The following FLCN variants were observed in gnomAD, a reference collection of about 807,000 sequenced individuals.
FLCN encodes the protein BHD skin lesion fibrofolliculoma protein.
FLCN carries 22 observed loss-of-function variants against 62.5 expected under a neutral mutation model. That is an observed-to-expected ratio of 0.35 (90% confidence interval 0.25 to 0.50). The LOEUF (loss-of-function observed/expected upper bound fraction) is 0.50, where lower values mean the gene tolerates loss of function less well. FLCN is among the 20% of genes least tolerant of loss of function. The pLI, the probability that FLCN is intolerant of heterozygous loss-of-function variation, is 0.97. For missense variants in FLCN, 657 were observed against 778.0 expected (o/e 0.84, Z 1.85); for synonymous variants, 319 against 310.0 (o/e 1.03, Z -0.30).
chr17:17,215,486 G>C (rs1358721885), intron 11 of FLCN, among the ~76,000 whole-genome samples, 170 bp from the exon 12 acceptor site: 1 of 152,196 alleles, frequency 6.6e-6, no homozygotes, highest in Non-Finnish European at 1.5e-5. Context: ...CAGGTTATTC[G>C]TGAATAGTTA....
At position 17,216,100 on chromosome 17, in the gene FLCN, C is replaced by T. The variant is rs1037058656; in HGVS notation, c.1300+280G>A. Among the ~76,000 whole-genome samples, 3 of 152,156 alleles carry T rather than the reference C, an allele frequency of 2.0e-5. No homozygotes were observed. Among genetic ancestry groups the T allele is most frequent in the African/African-American group, 7.2e-5 (3 of 41,436 alleles). On this transcript the variant is annotated intron_variant, in intron 11 of 13. Coordinates refer to ENST00000285071, the MANE Select transcript of FLCN (RefSeq NM_144997.7). This position sits in a 1 kb window ranked among gnomAD's most constrained non-coding sequence, Gnocchi z 4.0. ...TCTCATAGGCACCCAATCACCAGGA[C>T]GACCAGGATCCTCCGGCCAGGGACA...
rs1207311795 is a variant in FLCN, at chr17:17,224,124, C to A, written c.416G>T (p.Gly139Val). The change falls in exon 6 of 14, where the codon GGC (glycine) becomes GTC (valine). Residue 139 changes from glycine to valine, a missense_variant. Physicochemically the swap from Gly to Val is moderately radical, Grantham distance 109. Transcript: ENST00000285071. Reference protein sequence around the residue: ...LSCEVCPGREGPIFFGDEQHG... With the variant: ...LSCEVCPGREVPIFFGDEQHG... ...CTGCTCATCTCCGAAGAAGATGGGGCCTTCACGGCCAGGGCAGACCTGGAG... is the reference window on the plus strand; with the variant it reads ...CTGCTCATCTCCGAAGAAGATGGGGACTTCACGGCCAGGGCAGACCTGGAG... 6.3e-7 allele frequency: 1 copy of A among 1,596,452 alleles called. No homozygotes were observed. The highest frequency in any genetic ancestry group is 1.8e-5 in the Admixed American group (1 of 56,696).
intron 4 of FLCN, among the ~76,000 whole-genome samples, 192 bp downstream of exon 4, chr17:17,227,697 G>A (rs925224180): frequency 1.3e-5 from 2 of 152,080 alleles, no homozygotes; most frequent in African/African-American, 4.8e-5. Context: ...GGCAATAAGA[G>A]CAAAACTCTG....
intron 4 of FLCN, among the ~76,000 whole-genome samples, chr17:17,226,859 G>A (rs540708289): frequency 1.3e-5 from 2 of 152,286 alleles, no homozygotes; most frequent in South Asian, 4.1e-4. Context: ...CTGCCCCGCT[G>A]CCCCGCTGCA....
At chr17:17,226,085 C>G in intron 5 of FLCN, 91 bp downstream of exon 5, 1 of 1,566,252 alleles carries the variant, frequency 6.4e-7, no homozygotes, top group Non-Finnish European at 8.7e-7. Context: ...CAGTGCCTGC[C>G]TCCCTGTGCA....
intron 6 of FLCN, chr17:17,223,116 T>C (rs969128176): frequency 4.6e-5 from 14 of 302,934 alleles, no homozygotes; most frequent in Non-Finnish European, 8.5e-5. Flanking sequence ...TTTTTTGAGA[T>C]GGAGTCTCAC....
At chr17:17,215,111 A>G in intron 12 of FLCN, 21 bp from the exon 13 acceptor site, 22 of 1,612,856 alleles carry the variant, frequency 1.4e-5, no homozygotes, top group Non-Finnish European at 1.8e-5. Flanking sequence ...GGGCAGGGGC[A>G]GAGCAAGGGC....
rs149921293 is a variant in FLCN, at chr17:17,221,384, C to T, written c.871+153G>A. ...AATCACAACAATCACAACAATCACA[C>T]CGAGATCGGAGGGTGAGCTTCCCGA... On this transcript the variant is annotated intron_variant, in intron 8 of 13. Transcript: ENST00000285071. 31 of 1,611,962 alleles carry T rather than the reference C, an allele frequency of 1.9e-5. No homozygotes were observed. The East Asian group carries it at 6.7e-4, about 35-fold the overall frequency.
chr17:17,233,627 C>T (rs1238858840), intron 1 of FLCN, among the ~76,000 whole-genome samples: 1 of 146,090 alleles, frequency 6.8e-6, no homozygotes, highest in Non-Finnish European at 1.5e-5. Context: ...AAAAATTAGC[C>T]GGGCATGCCT....
rs748363919 is a variant in FLCN at position 17,223,985 on chromosome 17, G to A, written c.555C>T (p.Ser185=). The A allele has an allele frequency of 1.3e-5, 21 of 1,613,686 alleles. No homozygotes were observed. The highest frequency in any genetic ancestry group is 1.8e-5 in the Non-Finnish European group (21 of 1,180,032). ...IMMDRIYLIN[S]WPFLLGKVRG... is the part of the protein sequence containing the mutation. ...GGACCTTCCCCAGCAGGAAGGGCCA[G>A]GAGTTGATGAGGTAGATCCGGTCCA... Residue 185 remains serine, a synonymous_variant, in exon 6 of 14, where the codon TCC becomes TCT. Transcript: ENST00000285071.
intron 7 of FLCN, 82 bp downstream of exon 7, chr17:17,222,419 T>G: frequency 6.3e-7 from 1 of 1,594,376 alleles, no homozygotes; most frequent in Non-Finnish European, 8.6e-7. Context: ...AGGACTGTTC[T>G]CCCAAATCCA....
At chr17:17,225,834 C>T (rs537978844) in intron 5 of FLCN, 15 of 386,896 alleles carry the variant, frequency 3.9e-5, no homozygotes, top group African/African-American at 1.9e-4. Flanking sequence ...TGAACCATGA[C>T]GGCACCACTG....
chr17:17,227,108 C>T (rs926466737), intron 4 of FLCN, among the ~76,000 whole-genome samples: 2 of 152,228 alleles, frequency 1.3e-5, no homozygotes, highest in Non-Finnish European at 2.9e-5. Context: ...TCTTACACGT[C>T]CTCTGCTTCT....
chr17:17,231,462 A>G (rs1049490557), intron 3 of FLCN: 1 of 151,602 alleles, frequency 6.6e-6, no homozygotes, highest in Non-Finnish European at 1.5e-5. Context: ...CAGAGTTTCA[A>G]TAAAGGGCCC....
At chr17:17,222,360 G>A (rs2047117702) in intron 7 of FLCN, 141 bp downstream of exon 7, 3 of 1,185,452 alleles carry the variant, frequency 2.5e-6, no homozygotes, top group African/African-American at 3.0e-5. Context: ...TCACTGACAA[G>A]TGCCCACAGG....
In FLCN at chr17:17,216,952, G is replaced by A. The variant is rs1008150169; in HGVS notation, c.1176+117C>T. 4.1e-5 allele frequency: 32 copies of A among 787,948 alleles called. No individual in the cohort carries two copies. The highest frequency in any genetic ancestry group is 2.7e-4 in the Admixed American group (14 of 51,198). The allele number at this position is 787,948 out of a possible 1,614,324, so 48.8% of individuals were successfully genotyped here. On this transcript the variant is annotated intron_variant, in intron 10 of 13. Transcript: ENST00000285071. The surrounding 1 kb of genome is among the most constrained non-coding windows in gnomAD (Gnocchi z 4.0). ...GCCCACTGCGCCCCCAGTGGAGACC[G>A]TGTGGTGCACAGCGGTTCTGTGCTG...
intron 4 of FLCN, among the ~76,000 whole-genome samples, chr17:17,227,281 GACCC>G (rs113749420): frequency 0.1 from 15,690 of 150,858 alleles, 957 homozygotes; most frequent in Non-Finnish European, 0.14. Flanking sequence ...CTGATGGAGT[GACCC>G]ACCGAGAACA....
At chr17:17,225,568 C>T (rs752922356) in intron 5 of FLCN, 55 of 156,756 alleles carry the variant, frequency 3.5e-4, no homozygotes, top group Admixed American at 6.2e-4. Context: ...AAAAATTAGC[C>T]GGGCATGGTG....
rs776731059 is a variant in FLCN, at chr17:17,218,602, G to T, written c.1062+417C>A. 3.9e-5 allele frequency among the ~76,000 whole-genome samples: 6 copies of T among 152,010 alleles called. No individual in the cohort carries two copies. In the South Asian group the frequency reaches 1.2e-3, roughly 32 times the overall value. ...TCACCATGTTGGCCAGGCTGGTCTCGAACTCCTGACCTCGTGATCCGCTCC... is the reference window on the plus strand; with the variant it reads ...TCACCATGTTGGCCAGGCTGGTCTCTAACTCCTGACCTCGTGATCCGCTCC... On this transcript the variant is annotated intron_variant, in intron 9 of 13. Transcript: ENST00000285071.
Sources: gnomAD v4.1 joint callset for allele counts (sites outside exome capture counted in the v4.1 genomes callset) on GRCh38, gnomAD v4.1.1 for gene constraint, Gnocchi (gnomAD v3.1) non-coding constraint, MANE v1.5 for transcripts, NCBI Gene and HGNC (gene_info 2026-07-23, HGNC 2026-07-21) for gene names.